The following DYNC1H1 variants were observed in gnomAD, a reference collection of about 807,000 sequenced individuals.
DYNC1H1 encodes dynein cytoplasmic 1 heavy chain 1, also known as cytoplasmic dynein 1 heavy chain 1.
A neutral mutation model predicts 527.1 loss-of-function variants in DYNC1H1; 51 were observed. That is an observed-to-expected ratio of 0.10 (90% CI 0.08 to 0.12). The LOEUF is 0.12. Among genes scored for constraint, DYNC1H1 ranks in the 10% least tolerant of loss-of-function variants. DYNC1H1 has a pLI of 1.00. For synonymous variants in DYNC1H1, 2,189 were observed against 2,278.8 expected (o/e 0.96, Z 1.12); for missense variants, 2,771 against 5,971.8 (o/e 0.46, Z 17.66).
In DYNC1H1 at chr14:101,980,369, C is replaced by A; in HGVS notation, c.780C>A (p.Thr260=). The A allele has an allele frequency of 6.2e-7, 1 of 1,614,064 alleles. No homozygotes were observed. Among genetic ancestry groups the A allele is most frequent in the Non-Finnish European group, 8.5e-7 (1 of 1,180,028 alleles). Residue 260 remains threonine, a synonymous_variant, in exon 5 of 78, where the codon ACC becomes ACA. Coordinates refer to ENST00000360184, the MANE Select transcript of DYNC1H1 (RefSeq NM_001376.5). The part of the protein sequence containing the change: ...NRWIREIQKV[T]KLDRDPASGT... ...GTGTTATTTTATTTTCAAAGGTGAC[C>A]AAACTGGATCGAGATCCTGCATCAG...
In DYNC1H1 at chr14:102,048,188, G is replaced by A. The variant is rs990463647; in HGVS notation, c.13218+160G>A. 5 of 959,704 alleles carry A rather than the reference G, an allele frequency of 5.2e-6. No homozygotes were observed. In the African/African-American group the frequency reaches 8.2e-5, roughly 16 times the overall value. The allele number at this position is 959,704 out of a possible 1,614,324, so 59.4% of individuals were successfully genotyped here. ...GGTGTCCAGCTGAGCCCAGGCATTG[G>A]GCAAGATGAGTTGGCCCTTTTGAAA... On this transcript the variant is annotated intron_variant, in intron 73 of 77. Transcript: ENST00000360184.
chr14:102,039,741 A>C lies in DYNC1H1; in HGVS notation c.11690+9A>C, dbSNP rs764598650. The C allele has an allele frequency of 1.2e-6, 2 of 1,614,136 alleles. No homozygotes were observed. The highest frequency in any genetic ancestry group is 2.2e-5 in the South Asian group (2 of 91,084). The stretch of plus-strand genomic sequence containing the variant: ...CTGAAGGGCACCGTGGGGTAAGAGC[A>C]CTCACGCCCACAGGAGGATGCCATA... On this transcript the variant is annotated intron_variant, in intron 62 of 77. Coordinates refer to ENST00000360184, the MANE Select transcript of DYNC1H1 (RefSeq NM_001376.5). The surrounding 1 kb of genome is among the most constrained non-coding windows in gnomAD (Gnocchi z 7.0).
rs113859547 is a variant in DYNC1H1 at position 101,978,279 on chromosome 14, C to T, written c.345-1040C>T. On this transcript the variant is annotated intron_variant, in intron 2 of 77. Transcript: ENST00000360184. ...TTTTGAATAACTTTTTGAAGTTATC[C>T]GCCTGCCTCGGCCTCCCAAAGTGCT... is the stretch of plus-strand genomic sequence containing the variant. Among the ~76,000 whole-genome samples the T allele has an allele frequency of 9.9e-3, 1,509 of 152,192 alleles. 8 individuals are homozygous for T. The highest frequency in any genetic ancestry group is 0.034 in the Middle Eastern group (10 of 294).
intron 34 of DYNC1H1, among the ~76,000 whole-genome samples, chr14:102,013,104 C>T (rs146751782): frequency 2.0e-5 from 3 of 151,912 alleles, no homozygotes; most frequent in African/African-American, 7.2e-5. Context: ...AAAAAATTAG[C>T]GGGGCATGGT....
At chr14:102,045,567 C>T (rs943373398) in intron 72 of DYNC1H1, among the ~76,000 whole-genome samples, 25 of 151,876 alleles carry the variant, frequency 1.6e-4, no homozygotes, top group African/African-American at 2.7e-4. Context: ...GCTGAGAACG[C>T]GCCATTGCAC....
intron 1 of DYNC1H1, among the ~76,000 whole-genome samples, chr14:101,972,229 A>C (rs79945598): frequency 6.6e-6 from 1 of 151,854 alleles, no homozygotes; most frequent in Admixed American, 6.6e-5. Flanking sequence ...AAAAAAAAAA[A>C]GAAAGAAAAG....
intron 16 of DYNC1H1, 94 bp from the exon 17 acceptor site, chr14:101,999,895 A>G: frequency 6.3e-7 from 1 of 1,577,970 alleles, no homozygotes; most frequent in Admixed American, 1.7e-5. Flanking sequence ...AAACGTCCAG[A>G]AGCCCTGCAG....
At position 102,015,083 on chromosome 14, in the gene DYNC1H1, C is replaced by G; in HGVS notation, c.7015-22C>G. 8.1e-6 allele frequency: 13 copies of G among 1,612,424 alleles called. No homozygotes were observed. The highest frequency in any genetic ancestry group is 1.1e-5 in the Non-Finnish European group (13 of 1,178,464). On this transcript the variant is annotated intron_variant, in intron 34 of 77. Coordinates refer to ENST00000360184, the MANE Select transcript of DYNC1H1 (RefSeq NM_001376.5). This position sits in a 1 kb window ranked among gnomAD's most constrained non-coding sequence, Gnocchi z 6.9. ...TTCTTCCAAACCTATGTCATTAAAT[C>G]TGCTTAATGTTTTCTTTCAAGGTGA...
In DYNC1H1 at chr14:102,036,666, T is replaced by G. The variant is rs576733217; in HGVS notation, c.10908+24T>G. 45 of 1,613,866 alleles carry G rather than the reference T, an allele frequency of 2.8e-5. No individual in the cohort carries two copies. In the South Asian group the frequency reaches 2.9e-4, roughly 10 times the overall value. Reference sequence around the variant, plus strand: ...AGGTTGGTGTTGGCCTTTGAATTCTTGAAACACTGCATTCAAGAGTGAATT... The same window carrying G: ...AGGTTGGTGTTGGCCTTTGAATTCTGGAAACACTGCATTCAAGAGTGAATT... On this transcript the variant is annotated intron_variant, in intron 57 of 77. Transcript: ENST00000360184. This position sits in a 1 kb window ranked among gnomAD's most constrained non-coding sequence, Gnocchi z 5.6.
rs758458056 is a variant in DYNC1H1 at position 102,054,564 on chromosome 14, CTTT to C, written c.*4021_*4023del. The C allele has an allele frequency of 5.3e-5, 6 of 113,812 alleles. No homozygotes were observed. Among genetic ancestry groups the C allele is most frequent in the Admixed American group, 9.3e-5 (1 of 10,712 alleles). The allele number at this position is 113,812 out of a possible 1,614,324, so 7.1% of individuals were successfully genotyped here. A position where few individuals can be genotyped will look rare whatever the true frequency, so the allele number is the denominator to read the frequency against. On this transcript the variant is annotated 3_prime_UTR_variant, in exon 78 of 78. Transcript: ENST00000360184. ...CATCACCAACAGAGCCTTTGCAGAA[CTTT>C]TTTTTTTTTTTTTTTTTTTGAGACG...
rs2048857821 is a variant in DYNC1H1, at chr14:102,054,672, G to GA, written c.*4110dup. 6.8e-6 allele frequency: 1 copy of GA among 147,530 alleles called. No individual in the cohort carries two copies. Among genetic ancestry groups the GA allele is most frequent in the African/African-American group, 2.5e-5 (1 of 39,476 alleles). The allele number at this position is 147,530 out of a possible 1,614,324, so 9.1% of individuals were successfully genotyped here. A position where few individuals can be genotyped will look rare whatever the true frequency, so the allele number is the denominator to read the frequency against. On this transcript the variant is annotated 3_prime_UTR_variant, in exon 78 of 78. Coordinates refer to ENST00000360184, the MANE Select transcript of DYNC1H1 (RefSeq NM_001376.5). ...CAACCTCCGCCTCCCAAGTTCAAAT[G>GA]ATTCTCCTACCTCAGCCTCCCAAGC... is the stretch of plus-strand genomic sequence containing the variant.
At position 102,030,321 on chromosome 14, in the gene DYNC1H1, G is replaced by C. The variant is rs775564904; in HGVS notation, c.9883+39G>C. 1.9e-6 allele frequency: 3 copies of C among 1,613,876 alleles called. No individual in the cohort carries two copies. The Admixed American group carries it at 5.0e-5, about 27-fold the overall frequency. The stretch of plus-strand genomic sequence containing the variant: ...GTCAGAGCTTTGATGTCTAGGAAGG[G>C]TGGTCTCCGTCAACATTACTGTGGA... On this transcript the variant is annotated intron_variant, in intron 51 of 77. Coordinates refer to ENST00000360184, the MANE Select transcript of DYNC1H1 (RefSeq NM_001376.5).
intron 1 of DYNC1H1, among the ~76,000 whole-genome samples, chr14:101,968,788 T>C (rs1166601397): frequency 2.0e-5 from 3 of 152,156 alleles, no homozygotes; most frequent in African/African-American, 7.2e-5. Context: ...TCTTGAACTC[T>C]TGGACACAAG....
At chr14:101,984,024 G>C (rs1447272957) in intron 7 of DYNC1H1, among the ~76,000 whole-genome samples, 1 of 151,930 alleles carries the variant, frequency 6.6e-6, no homozygotes, top group Non-Finnish European at 1.5e-5. Flanking sequence ...CTGGAGTACA[G>C]TGAAGTGATC....
chr14:101,999,076 G>A lies in DYNC1H1; in HGVS notation c.3805-913G>A, dbSNP rs548223459. On this transcript the variant is annotated intron_variant, in intron 16 of 77. Transcript: ENST00000360184. ...GTTTGTATTTTTTAGTAGAGACGGGGTTTCAATGTGTTAGCCAGGATGGTC... is the reference window on the plus strand; with the variant it reads ...GTTTGTATTTTTTAGTAGAGACGGGATTTCAATGTGTTAGCCAGGATGGTC... Among the ~76,000 whole-genome samples the A allele has an allele frequency of 3.3e-5, 5 of 152,118 alleles. No individual in the cohort carries two copies. The South Asian group carries it at 8.3e-4, about 25-fold the overall frequency.
Position 101,979,022 on chromosome 14 carries a change from C to T in DYNC1H1, c.345-297C>T, listed in dbSNP as rs1250818321. ...TACTTAGTACAGTAAATAAATGTTA[C>T]ACATTAGTGTAAGATCAGATTTAAG... On this transcript the variant is annotated intron_variant, in intron 2 of 77. Transcript: ENST00000360184. This position sits in a 1 kb window ranked among gnomAD's most constrained non-coding sequence, Gnocchi z 4.6. Among the ~76,000 whole-genome samples, 1 of 152,152 alleles carries T rather than the reference C, an allele frequency of 6.6e-6. No individual in the cohort carries two copies. Among genetic ancestry groups the T allele is most frequent in the African/African-American group, 2.4e-5 (1 of 41,426 alleles).
chr14:102,047,657 A>ATATATATATATATG (rs2048744268), intron 72 of DYNC1H1, 160 bp from the exon 73 acceptor site: 1 of 545,680 alleles, frequency 1.8e-6, no homozygotes. Context: ...ATATATATAT[A>ATATATATATATATG]TATATATGTA....
At chr14:102,030,515 T>C in intron 51 of DYNC1H1, 2 of 541,262 alleles carry the variant, frequency 3.7e-6, no homozygotes, top group Non-Finnish European at 6.5e-6. Flanking sequence ...ACCCCTCTCA[T>C]AAAAGAAACT....
Position 102,049,602 on chromosome 14 carries a change from G to A in DYNC1H1, c.13515+20G>A, listed in dbSNP as rs1214642317. On this transcript the variant is annotated intron_variant, in intron 75 of 77. Transcript: ENST00000360184. The surrounding 1 kb of genome is among the most constrained non-coding windows in gnomAD (Gnocchi z 5.5). ...CTAAAGGTGAAGGCGCTCCTGACGA[G>A]TCTCGGGTGGTCAGCAGCTGTCCTG... The A allele has an allele frequency of 6.2e-7, 1 of 1,613,594 alleles. No individual in the cohort carries two copies. Among genetic ancestry groups the A allele is most frequent in the Non-Finnish European group, 8.5e-7 (1 of 1,180,044 alleles).
Sources: allele counts gnomAD v4.1 joint callset (sites outside exome capture counted in the v4.1 genomes callset), GRCh38; gene constraint gnomAD v4.1.1; non-coding constraint Gnocchi (gnomAD v3.1); transcripts MANE v1.5; gene names NCBI Gene and HGNC (gene_info 2026-07-23, HGNC 2026-07-21).